Variants in PUDP observed in about 807,000 individuals in gnomAD.
PUDP encodes the protein pseudouridine-5'-phosphatase.
In PUDP, 8 loss-of-function variants were observed where a neutral mutation model predicts 9.4. The ratio of observed to expected loss-of-function variants is 0.85; its 90% CI spans 0.50 to 1.53. PUDP has a LOEUF of 1.53. PUDP is among the 40% of genes most tolerant of loss of function. The probability of loss-of-function intolerance (pLI) is 0.00; values close to 1 mark genes in which losing one functional copy is unlikely to be tolerated. For synonymous variants in PUDP, 99 were observed against 80.7 expected, an observed-to-expected ratio of 1.23 and a Z score of -1.22; for missense variants, 188 against 189.7, an observed-to-expected ratio of 0.99 and a Z score of 0.05.
intron 3 of PUDP, among the ~76,000 whole-genome samples, chrX:7,074,330 A>G (rs754748094): frequency 8.9e-6 from 1 of 112,381 alleles, no homozygotes; most frequent in East Asian, 2.8e-4. Context: ...TTGTGCTACC[A>G]CCGCCTATGG....
Position 6,863,273 on chromosome X carries a change from A to G in PUDP, c.*247+113860T>C, listed in dbSNP as rs894266216. 2.7e-5 allele frequency among the ~76,000 whole-genome samples: 3 copies of G among 112,557 alleles called. No homozygotes were observed. In the Admixed American group the frequency reaches 2.8e-4, roughly 11 times the overall value. On this transcript the variant is annotated intron_variant and NMD_transcript_variant, in intron 3 of 3. Transcript: ENST00000655425. ...AGATATTTTACATTCTCTTTCTTCTACTAAATCATTGAAATCTGGTGTGTA... is the reference window on the plus strand; with the variant it reads ...AGATATTTTACATTCTCTTTCTTCTGCTAAATCATTGAAATCTGGTGTGTA...
intron 3 of PUDP, among the ~76,000 whole-genome samples, chrX:6,913,709 A>G (rs1233104819): frequency 9.0e-6 from 1 of 111,637 alleles, no homozygotes; most frequent in East Asian, 2.8e-4. Context: ...TAGATTCCCA[A>G]TGTGCAGCAC....
At chrX:6,808,554 T>C (rs1926089905) in intron 3 of PUDP, among the ~76,000 whole-genome samples, 1 of 111,711 alleles carries the variant, frequency 9.0e-6, no homozygotes. Context: ...ACCCTTTGCT[T>C]GACAGAATTC....
rs759873008 is a variant in PUDP at position 7,123,778 on chromosome X, T to TA, written c.62-17941dup. 1.1e-3 allele frequency among the ~76,000 whole-genome samples: 127 copies of TA among 111,180 alleles called. 1 individual carries two copies. Among genetic ancestry groups the TA allele is most frequent in the Non-Finnish European group, 1.8e-3 (94 of 52,929 alleles). On this transcript the variant is annotated intron_variant, in intron 1 of 3. Coordinates refer to ENST00000381077, the MANE Select transcript of PUDP (RefSeq NM_012080.5). ...GTAGACTTAGGACAAACCATTTCAC[T>TA]AAAAAAAACCAAACAATTTTAATGG...
chrX:6,707,336 T>C (rs1924482173), intron 1 of PUDP, among the ~76,000 whole-genome samples: 1 of 111,726 alleles, frequency 9.0e-6, no homozygotes. Flanking sequence ...AATTTTTCCA[T>C]GGACTGCAGT....
chrX:7,137,011 A>T (rs1256262722), intron 1 of PUDP, among the ~76,000 whole-genome samples: 3 of 111,807 alleles, frequency 2.7e-5, no homozygotes, highest in African/African-American at 6.5e-5. Flanking sequence ...TTTGATTTTA[A>T]TAACTCTGTG....
intron 1 of PUDP, among the ~76,000 whole-genome samples, chrX:7,012,252 G>GGT (rs1929487500): frequency 8.9e-6 from 1 of 112,093 alleles, no homozygotes; most frequent in South Asian, 3.8e-4. Context: ...TGCCAGCCCA[G>GGT]TTATGTGATT....
At chrX:6,887,029 T>A (rs1283230965) in intron 3 of PUDP, among the ~76,000 whole-genome samples, 2 of 106,276 alleles carry the variant, frequency 1.9e-5, no homozygotes, top group Non-Finnish European at 3.8e-5. Context: ...ATATTATATA[T>A]CTATATGATA....
At chrX:6,740,438 G>A (rs12836616) in intron 3 of PUDP, among the ~76,000 whole-genome samples, 32,424 of 110,211 alleles carry the variant, frequency 0.29, 4,208 homozygotes, top group South Asian at 0.47. Flanking sequence ...TTATAGAGTT[G>A]TTTCTGAATT....
chrX:7,057,675 C>T lies in PUDP; in HGVS notation c.511-7203G>A, dbSNP rs778709940. 1.7e-5 allele frequency: 20 copies of T among 1,151,289 alleles called. No individual in the cohort carries two copies. The South Asian group carries it at 1.9e-4, about 11-fold the overall frequency. 94.9% of individuals were successfully genotyped at this position (1,151,289 alleles called of 1,213,427 possible). A position where few individuals can be genotyped will look rare whatever the true frequency, so the allele number is the denominator to read the frequency against. On this transcript the variant is annotated intron_variant, in intron 3 of 3. Coordinates refer to ENST00000381077, the MANE Select transcript of PUDP (RefSeq NM_012080.5). ...CACCCAAGTAGAAGGCTCGGGGTCT[C>T]CATGCACTGTGGCTGTGAGCTGGAG...
At chrX:7,002,768 T>C (rs781259806) in intron 1 of PUDP, among the ~76,000 whole-genome samples, 9 of 110,784 alleles carry the variant, frequency 8.1e-5, no homozygotes, top group Admixed American at 1.9e-4. Context: ...TAGATGGAAC[T>C]CATCAGAGGG....
At chrX:6,780,255 A>C (rs1240830611) in intron 3 of PUDP, among the ~76,000 whole-genome samples, 1 of 109,844 alleles carries the variant, frequency 9.1e-6, no homozygotes, top group Admixed American at 9.8e-5. Context: ...ATACATATAT[A>C]CACACACAAA....
intron 3 of PUDP, among the ~76,000 whole-genome samples, chrX:6,875,242 T>A (rs1927235223): frequency 9.0e-6 from 1 of 110,700 alleles, no homozygotes; most frequent in African/African-American, 3.3e-5. Context: ...CTAATTTTTA[T>A]ATTTTTTGTA....
At chrX:7,066,032 T>C (rs1175497696) in intron 3 of PUDP, among the ~76,000 whole-genome samples, 1 of 112,277 alleles carries the variant, frequency 8.9e-6, no homozygotes, top group Non-Finnish European at 1.9e-5. Flanking sequence ...ATTTTGAAAA[T>C]TGACACAATT....
At chrX:7,108,138 G>A (rs953869727) in intron 1 of PUDP, among the ~76,000 whole-genome samples, 1 of 112,637 alleles carries the variant, frequency 8.9e-6, no homozygotes, top group Non-Finnish European at 1.9e-5. Flanking sequence ...AAAGTTTTCC[G>A]TGTGGCCCTG....
At chrX:7,058,524 G>T (rs1238905734) in intron 3 of PUDP, among the ~76,000 whole-genome samples, 1 of 112,004 alleles carries the variant, frequency 8.9e-6, no homozygotes, top group East Asian at 2.8e-4. Flanking sequence ...TTCACATGGT[G>T]AGACATCAAA....
intron 2 of PUDP, among the ~76,000 whole-genome samples, chrX:7,081,297 G>A (rs1030357137): frequency 2.7e-5 from 3 of 111,428 alleles, no homozygotes; most frequent in East Asian, 5.7e-4. Context: ...GGGACTACAG[G>A]TGCATGTCAC....
chrX:7,062,409 C>G (rs1350056981), intron 3 of PUDP, among the ~76,000 whole-genome samples: 1 of 111,464 alleles, frequency 9.0e-6, no homozygotes, highest in African/African-American at 3.3e-5. Flanking sequence ...GATTTCTGGT[C>G]AGAGGCAGGT....
intron 3 of PUDP, among the ~76,000 whole-genome samples, chrX:6,735,422 C>A (rs186207917): frequency 1.9e-3 from 211 of 111,348 alleles, no homozygotes; most frequent in Middle Eastern, 4.7e-3. Flanking sequence ...GTTATGAGGT[C>A]ATTAAAAATG....
Sources: gnomAD v4.1 joint callset for allele counts (sites outside exome capture counted in the v4.1 genomes callset) on GRCh38, gnomAD v4.1.1 for gene constraint, MANE v1.5 for transcripts, NCBI Gene and HGNC (gene_info 2026-07-23, HGNC 2026-07-21) for gene names.